AS3MT: variants seen among roughly 807,000 people sequenced by gnomAD.
The protein encoded by AS3MT is arsenite methyltransferase.
AS3MT carries 47 observed loss-of-function variants against 45.3 expected under a neutral mutation model. That is an observed-to-expected ratio of 1.04 (90% CI 0.82 to 1.32). The LOEUF is 1.32. AS3MT is among the 40% of genes most tolerant of loss of function. The probability of loss-of-function intolerance (pLI) is 0.00; values close to 1 mark genes in which losing one functional copy is unlikely to be tolerated. For synonymous variants in AS3MT, 141 were observed against 152.8 expected, an observed-to-expected ratio of 0.92 and a Z score of 0.57; for missense variants, 396 against 451.1, an observed-to-expected ratio of 0.88 and a Z score of 1.11.
chr10:102,891,907 C>T (rs564978734), intron 10 of AS3MT, among the ~76,000 whole-genome samples: 1 of 134,788 alleles, frequency 7.4e-6, no homozygotes, highest in South Asian at 2.3e-4. Flanking sequence ...CAAGACTGCA[C>T]CACTGCACTC....
Position 102,878,855 on chromosome 10 carries a change from G to A in AS3MT, c.749G>A (p.Cys250Tyr). 2 of 1,611,758 alleles carry A rather than the reference G, an allele frequency of 1.2e-6. No individual in the cohort carries two copies. Among genetic ancestry groups the A allele is most frequent in the Non-Finnish European group, 1.7e-6 (2 of 1,179,380 alleles). Residue 250 changes from cysteine (C) to tyrosine (Y), a missense_variant, in exon 9 of 11, where the codon TGT becomes TAT. By Grantham distance (194) the Cys-to-Tyr change is radical (BLOSUM62 -2). Coordinates refer to ENST00000369880, the MANE Select transcript of AS3MT (RefSeq NM_020682.4). ...NKELERVIGD[C>Y]RFVSATFRLF... ...GAATAAATTCTATTTTTAGGTGACT[G>A]TCGTTTTGTTTCTGCAACATTTCGC...
chr10:102,877,783 C>T (rs1250386143), intron 7 of AS3MT, among the ~76,000 whole-genome samples: 36 of 133,028 alleles, frequency 2.7e-4, no homozygotes, highest in Admixed American at 5.0e-4. Flanking sequence ...GATGGAGTCT[C>T]GCTCTGTCAC....
At chr10:102,892,805 A>G (rs1411552771) in intron 10 of AS3MT, among the ~76,000 whole-genome samples, 1 of 151,934 alleles carries the variant, frequency 6.6e-6, no homozygotes, top group East Asian at 1.9e-4. Context: ...GTGACACCCC[A>G]TCTCTACTAA....
At chr10:102,873,284 A>G in intron 5 of AS3MT, 51 bp downstream of exon 5, 4 of 1,303,272 alleles carry the variant, frequency 3.1e-6, no homozygotes, top group Non-Finnish European at 4.0e-6. Flanking sequence ...CTTTATTATT[A>G]TTATTATTAT....
intron 10 of AS3MT, among the ~76,000 whole-genome samples, chr10:102,900,115 C>G (rs1845246765): frequency 6.6e-6 from 1 of 152,210 alleles, no homozygotes; most frequent in Non-Finnish European, 1.5e-5. Flanking sequence ...TTATGTTACT[C>G]TACTCTGAGA....
chr10:102,890,393 C>T (rs1845049531), intron 9 of AS3MT, 151 bp from the exon 10 acceptor site: 2 of 568,294 alleles, frequency 3.5e-6, no homozygotes, highest in Non-Finnish European at 5.9e-6. Context: ...ATACTGTTTC[C>T]CATAATGGCT....
Position 102,869,911 on chromosome 10 carries a change from G to A in AS3MT, c.42+66G>A, listed in dbSNP as rs930380622. The A allele has an allele frequency of 4.4e-6, 7 of 1,598,024 alleles. No individual in the cohort carries two copies. The Middle Eastern group carries it at 8.3e-4, about 190-fold the overall frequency. ...GGCTAATGGAAGTCTGGCCTGGCCCGCACCCTGTCCCCCGGGACTCCTGGA... is the reference window on the plus strand; with the variant it reads ...GGCTAATGGAAGTCTGGCCTGGCCCACACCCTGTCCCCCGGGACTCCTGGA... On this transcript the variant is annotated intron_variant, in intron 2 of 10. Transcript: ENST00000369880.
chr10:102,878,603 G>A, intron 8 of AS3MT, 93 bp downstream of exon 8: 1 of 1,499,236 alleles, frequency 6.7e-7, no homozygotes, highest in Non-Finnish European at 9.1e-7. Context: ...GAGTCTCATT[G>A]AGGGATACTT....
chr10:102,879,348 G>T (rs1844837677), intron 9 of AS3MT, among the ~76,000 whole-genome samples: 1 of 151,940 alleles, frequency 6.6e-6, no homozygotes, highest in Non-Finnish European at 1.5e-5. Context: ...GTAGAGATGG[G>T]GTTTTGCCAT....
intron 8 of AS3MT, 29 bp downstream of exon 8, chr10:102,878,539 T>C (rs1007169954): frequency 1.9e-6 from 3 of 1,609,898 alleles, no homozygotes; most frequent in Non-Finnish European, 2.5e-6. Context: ...CAGGGACTAT[T>C]ATAACTACAG....
rs1391229800 is a variant in AS3MT, at chr10:102,874,795, G to A, written c.528+134G>A. The A allele has an allele frequency of 7.1e-6, 5 of 706,062 alleles. No individual in the cohort carries two copies. The Middle Eastern group carries it at 1.1e-3, about 154-fold the overall frequency. 43.7% of individuals were successfully genotyped at this position (706,062 alleles called of 1,614,324 possible). On this transcript the variant is annotated intron_variant, in intron 6 of 10. Coordinates refer to ENST00000369880, the MANE Select transcript of AS3MT (RefSeq NM_020682.4). ...ATTAAATGAATAAGGGGTGGCAAAA[G>A]GGGGAAGGGGCAGGAATACCCCGGA...
At chr10:102,878,043 G>A (rs960991101) in intron 7 of AS3MT, among the ~76,000 whole-genome samples, 1 of 151,928 alleles carries the variant, frequency 6.6e-6, no homozygotes, top group African/African-American at 2.4e-5. Context: ...GAGCCACCGC[G>A]CTCGGCCTAT....
Position 102,896,670 on chromosome 10 carries a change from G to A in AS3MT, c.1021-3923G>A, listed in dbSNP as rs570080508. ...AAAATACAAAAAAAATTAGCCGGGC[G>A]TGGTGGCATGCGCCTGTAATCCCAG... On this transcript the variant is annotated intron_variant, in intron 10 of 10. Transcript: ENST00000369880. 3.3e-5 allele frequency among the ~76,000 whole-genome samples: 5 copies of A among 152,158 alleles called. No homozygotes were observed. In the East Asian group the frequency reaches 7.7e-4, roughly 24 times the overall value.
rs1035606230 is a variant in AS3MT, at chr10:102,900,850, G to A, written c.*150G>A. The A allele has an allele frequency of 8.9e-6, 5 of 559,594 alleles. No individual in the cohort carries two copies. Among genetic ancestry groups the A allele is most frequent in the African/African-American group, 1.9e-5 (1 of 52,886 alleles). 34.7% of individuals were successfully genotyped at this position (559,594 alleles called of 1,614,324 possible). A position where few individuals can be genotyped will look rare whatever the true frequency, so the allele number is the denominator to read the frequency against. ...TATAATCCCAGCACTTTGGGAGGCC[G>A]AGGCAGGCAGATCACCTGAGGTCAG... On this transcript the variant is annotated 3_prime_UTR_variant, in exon 11 of 11. Coordinates refer to ENST00000369880, the MANE Select transcript of AS3MT (RefSeq NM_020682.4).
At position 102,879,004 on chromosome 10, in the gene AS3MT, A is replaced by T. The variant is rs375414003; in HGVS notation, c.885+13A>T. 1 of 1,607,790 alleles carries T rather than the reference A, an allele frequency of 6.2e-7. No individual in the cohort carries two copies. The highest frequency in any genetic ancestry group is 8.5e-7 in the Non-Finnish European group (1 of 1,176,864). On this transcript the variant is annotated intron_variant, in intron 9 of 10. Transcript: ENST00000369880. The stretch of plus-strand genomic sequence containing the variant: ...TTTTACATTTAAGGTAAATAAAACA[A>T]TTTCCATGACTTCTGGTATTCTTTC...
chr10:102,897,614 C>G (rs1466468855), intron 10 of AS3MT, among the ~76,000 whole-genome samples: 1 of 151,746 alleles, frequency 6.6e-6, no homozygotes, highest in Non-Finnish European at 1.5e-5. Flanking sequence ...TACAGGCACA[C>G]GCCACCACGC....
intron 3 of AS3MT, among the ~76,000 whole-genome samples, chr10:102,871,546 CAAAAAAAAA>C (rs748797211): frequency 3.3e-3 from 77 of 23,280 alleles, no homozygotes; most frequent in African/African-American, 0.011. Flanking sequence ...GACTCCGTCT[CAAAAAAAAA>C]AAAAAAAAAA....
At chr10:102,870,629 A>G (rs1844663838) in intron 3 of AS3MT, among the ~76,000 whole-genome samples, 1 of 152,248 alleles carries the variant, frequency 6.6e-6, no homozygotes. Flanking sequence ...CACAGAATAC[A>G]GTCACACTCA....
intron 4 of AS3MT, 133 bp downstream of exon 4, chr10:102,872,731 T>A: frequency 1.0e-6 from 1 of 971,548 alleles, no homozygotes; most frequent in Non-Finnish European, 1.5e-6. Flanking sequence ...TTTGTGCCAC[T>A]AGTGCTTCCT....
Sources: allele counts gnomAD v4.1 joint callset (sites outside exome capture counted in the v4.1 genomes callset), GRCh38; gene constraint gnomAD v4.1.1; transcripts MANE v1.5; gene names NCBI Gene and HGNC (gene_info 2026-07-23, HGNC 2026-07-21).